Variants in DNM3 observed in about 807,000 individuals in gnomAD.
The protein encoded by DNM3 is dynamin-3.
A neutral mutation model predicts 101.6 loss-of-function variants in DNM3; 47 were observed. The ratio of observed to expected loss-of-function variants is 0.46; its 90% CI spans 0.37 to 0.59. The LOEUF (loss-of-function observed/expected upper bound fraction) is 0.59, where lower values mean the gene tolerates loss of function less well. Among genes scored for constraint, DNM3 ranks in the 20% least tolerant of loss-of-function variants. DNM3 has a pLI of 0.00. For missense variants in DNM3, 849 were observed against 1,085.7 expected, an observed-to-expected ratio of 0.78 and a Z score of 3.06; for synonymous variants, 385 against 387.9, an observed-to-expected ratio of 0.99 and a Z score of 0.09.
chr1:172,353,001 T>C (rs1262462778), intron 17 of DNM3, among the ~76,000 whole-genome samples: 1 of 152,186 alleles, frequency 6.6e-6, no homozygotes, highest in African/African-American at 2.4e-5. Flanking sequence ...GGAGGACCTC[T>C]GAGATTACTC....
chr1:171,970,702 T>A (rs2043930264), intron 2 of DNM3, among the ~76,000 whole-genome samples: 1 of 89,036 alleles, frequency 1.1e-5, no homozygotes, highest in African/African-American at 2.8e-5. Context: ...AGAATCATCA[T>A]TAGGACCACT....
intron 12 of DNM3, among the ~76,000 whole-genome samples, chr1:172,090,528 G>A (rs1419670834): frequency 2.6e-5 from 4 of 152,214 alleles, no homozygotes; most frequent in Admixed American, 6.5e-5. Flanking sequence ...TAATTTCATC[G>A]TAATTAAGAG....
At chr1:172,065,245 A>G (rs2051559770) in intron 10 of DNM3, among the ~76,000 whole-genome samples, 1 of 152,162 alleles carries the variant, frequency 6.6e-6, no homozygotes, top group Non-Finnish European at 1.5e-5. Context: ...TTCTGCTGTA[A>G]TCTATTTGCT....
chr1:171,915,421 G>A (rs12032107), intron 1 of DNM3, among the ~76,000 whole-genome samples: 1 of 152,230 alleles, frequency 6.6e-6, no homozygotes, highest in East Asian at 1.9e-4. Flanking sequence ...AGCTGGAGTG[G>A]TGATCCAAAT....
intron 4 of DNM3, among the ~76,000 whole-genome samples, chr1:172,022,773 A>G (rs1301791743): frequency 1.3e-5 from 2 of 151,622 alleles, no homozygotes; most frequent in African/African-American, 2.4e-5. Context: ...AGTTTTAGAT[A>G]CTCTCTTTTG....
chr1:171,900,396 A>T (rs1222075073), intron 1 of DNM3, among the ~76,000 whole-genome samples: 1 of 151,846 alleles, frequency 6.6e-6, no homozygotes, highest in Non-Finnish European at 1.5e-5. Flanking sequence ...GCTGGAAAAA[A>T]CCCCAAGAAG....
intron 17 of DNM3, 28 bp downstream of exon 17, chr1:172,323,368 T>C (rs1184237838): frequency 6.2e-7 from 1 of 1,604,490 alleles, no homozygotes; most frequent in East Asian, 2.2e-5. Flanking sequence ...TTGCAGCTCT[T>C]CTGTCCCCCC....
intron 1 of DNM3, among the ~76,000 whole-genome samples, chr1:171,851,338 C>T (rs1183840738): frequency 6.6e-6 from 1 of 152,188 alleles, no homozygotes; most frequent in Non-Finnish European, 1.5e-5. Context: ...TCTGTACAAG[C>T]CATTTATCTA....
At position 172,106,844 on chromosome 1, in the gene DNM3, A is replaced by ATTTTTTTTTTTTTT. The variant is rs1289662689; in HGVS notation, c.1545+13971_1545+13972insTTTTTTTTTTTTTT. Reference sequence around the variant, plus strand: ...TTATTATTCAATTTAAGGTAACATTATTCTTTTTTTTTTTTTTTTTTTTTT... The same window carrying ATTTTTTTTTTTTTT: ...TTATTATTCAATTTAAGGTAACATTATTTTTTTTTTTTTTTTCTTTTTTTTTTTTTTTTTTTTTT... On this transcript the variant is annotated intron_variant, in intron 13 of 20. Transcript: ENST00000627582. Among the ~76,000 whole-genome samples the ATTTTTTTTTTTTTT allele has an allele frequency of 1.8e-4, 9 of 51,042 alleles. 1 individual carries two copies. Among genetic ancestry groups the ATTTTTTTTTTTTTT allele is most frequent in the African/African-American group, 5.5e-4 (8 of 14,622 alleles). The allele number at this position is 51,042 out of a possible 152,430, so 33.5% of individuals were successfully genotyped here.
chr1:172,259,664 A>T (rs2062561870), intron 15 of DNM3, among the ~76,000 whole-genome samples: 1 of 152,250 alleles, frequency 6.6e-6, no homozygotes, highest in East Asian at 1.9e-4. Flanking sequence ...TGTAAGCAGC[A>T]TATAGTTAGA....
intron 4 of DNM3, among the ~76,000 whole-genome samples, chr1:172,028,520 G>A (rs2048369370): frequency 6.6e-6 from 1 of 152,068 alleles, no homozygotes; most frequent in South Asian, 2.1e-4. Flanking sequence ...AGAGAAGCAA[G>A]AGCAAACAAA....
chr1:172,141,691 G>GT (rs2057590053), intron 14 of DNM3, among the ~76,000 whole-genome samples: 1 of 152,034 alleles, frequency 6.6e-6, no homozygotes, highest in Admixed American at 6.6e-5. Flanking sequence ...TAGGCGAGAG[G>GT]TGGGGGTAGA....
At chr1:171,864,803 A>C (rs1345582697) in intron 1 of DNM3, 1 of 152,164 alleles carries the variant, frequency 6.6e-6, no homozygotes, top group African/African-American at 2.4e-5. Flanking sequence ...TTATTATGTT[A>C]GTAATGCTTT....
At chr1:172,126,004 C>T (rs1299912011) in intron 13 of DNM3, among the ~76,000 whole-genome samples, 1 of 152,064 alleles carries the variant, frequency 6.6e-6, no homozygotes, top group Non-Finnish European at 1.5e-5. Context: ...ATTGGTCTTA[C>T]TCCTTGTGGT....
chr1:172,054,562 C>T (rs189306491), intron 10 of DNM3, among the ~76,000 whole-genome samples: 67 of 151,768 alleles, frequency 4.4e-4, no homozygotes, highest in Admixed American at 1.7e-3. Context: ...TCTTGGGAAC[C>T]GACATTCTTG....
intron 16 of DNM3, among the ~76,000 whole-genome samples, chr1:172,320,568 G>T (rs1412553763): frequency 6.6e-6 from 1 of 152,054 alleles, no homozygotes; most frequent in Non-Finnish European, 1.5e-5. Context: ...CTCATAAGAG[G>T]GAGTTGAACA....
intron 14 of DNM3, among the ~76,000 whole-genome samples, chr1:172,250,035 T>G (rs2062108581): frequency 6.6e-6 from 1 of 152,174 alleles, no homozygotes; most frequent in Non-Finnish European, 1.5e-5. Flanking sequence ...TGACTGAACA[T>G]TCTAAATTCC....
chr1:172,091,753 A>C (rs987310380), intron 12 of DNM3, among the ~76,000 whole-genome samples: 48 of 152,182 alleles, frequency 3.2e-4, no homozygotes, highest in Non-Finnish European at 4.3e-4. Flanking sequence ...GGTTTCGAGC[A>C]GAAGAGTTAA....
intron 1 of DNM3, among the ~76,000 whole-genome samples, chr1:171,849,869 A>G (rs2032714775): frequency 6.6e-6 from 1 of 152,258 alleles, no homozygotes. Context: ...GGTGAGTACT[A>G]GAAATTAATG....
Sources: allele counts gnomAD v4.1 joint callset (sites outside exome capture counted in the v4.1 genomes callset), GRCh38; gene constraint gnomAD v4.1.1; transcripts MANE v1.5; gene names NCBI Gene and HGNC (gene_info 2026-07-23, HGNC 2026-07-21).